The following TENM3 variants were observed in gnomAD, a reference collection of about 807,000 sequenced individuals.
The protein encoded by TENM3 is teneurin transmembrane protein 3.
TENM3 carries 63 observed loss-of-function variants against 255.1 expected under a neutral mutation model. That is an observed-to-expected ratio of 0.25 (90% confidence interval 0.20 to 0.30). TENM3 has a LOEUF of 0.30. Among genes scored for constraint, TENM3 ranks in the 10% least tolerant of loss-of-function variants. The probability of loss-of-function intolerance (pLI) is 1.00; values close to 1 mark genes in which losing one functional copy is unlikely to be tolerated. For missense variants in TENM3, 2,929 were observed against 3,461.1 expected (o/e 0.85, Z 3.86); for synonymous variants, 1,306 against 1,322.3 (o/e 0.99, Z 0.27).
At chr4:182,477,481 G>T (rs1733785620) in intron 3 of TENM3, among the ~76,000 whole-genome samples, 3 of 152,094 alleles carry the variant, frequency 2.0e-5, no homozygotes, top group Non-Finnish European at 4.4e-5. Flanking sequence ...ATTTTTTATG[G>T]TCACAGAGTT....
chr4:182,595,232 G>A (rs1363759783), intron 3 of TENM3, among the ~76,000 whole-genome samples: 1 of 152,102 alleles, frequency 6.6e-6, no homozygotes. Flanking sequence ...TCTAGGGAAA[G>A]TCACCAGCAG....
At chr4:182,138,420 C>G in the TENM3 span, among the ~76,000 whole-genome samples, 1 of 152,126 alleles carries the variant, frequency 6.6e-6, no homozygotes, top group Non-Finnish European at 1.5e-5. Context: ...AAATAAGGCC[C>G]ATATGGTTAT....
chr4:182,433,255 TTA>T (rs1771796071), intron 3 of TENM3, among the ~76,000 whole-genome samples: 1 of 151,752 alleles, frequency 6.6e-6, no homozygotes, highest in Non-Finnish European at 1.5e-5. Context: ...TCCTGAGCAG[TTA>T]AGTGGATAGA....
At chr4:182,745,040 T>G (rs1220309382) in intron 19 of TENM3, among the ~76,000 whole-genome samples, 3 of 152,214 alleles carry the variant, frequency 2.0e-5, no homozygotes, top group African/African-American at 7.2e-5. Flanking sequence ...CATTAAAATA[T>G]CTAATGAAAT....
rs1766827916 is a variant in TENM3, at chr4:182,800,155, G to T, written c.7904G>T (p.Arg2635Leu). The change falls in exon 28 of 28, where the codon CGC becomes CTC. Residue 2635 changes from arginine (R) to leucine (L), a missense_variant. Around this residue, in one of 6 missense-constraint regions of TENM3, gnomAD observed 476 missense variants for 480.1 expected, o/e 0.99. Transcript: ENST00000511685. Reference protein sequence around the residue: ...RQRALARAWAREQQRVRDGEE... With the variant: ...RQRALARAWALEQQRVRDGEE... Reference sequence around the variant, plus strand: ...CGCGCGCTCGCCCGGGCCTGGGCGCGCGAGCAGCAGCGCGTGCGCGACGGC... The same window carrying T: ...CGCGCGCTCGCCCGGGCCTGGGCGCTCGAGCAGCAGCGCGTGCGCGACGGC... 6.9e-7 allele frequency: 1 copy of T among 1,451,252 alleles called. No individual in the cohort carries two copies. The highest frequency in any genetic ancestry group is 9.0e-7 in the Non-Finnish European group (1 of 1,111,790). The allele number at this position is 1,451,252 out of a possible 1,614,324, so 89.9% of individuals were successfully genotyped here.
the TENM3 span, among the ~76,000 whole-genome samples, chr4:181,652,697 C>T: frequency 6.6e-6 from 1 of 152,138 alleles, no homozygotes; most frequent in Non-Finnish European, 1.5e-5. Context: ...ACTTCCAAAA[C>T]TTAAAGTACA....
At chr4:182,544,130 A>T (rs1258367995) in intron 3 of TENM3, among the ~76,000 whole-genome samples, 1 of 152,142 alleles carries the variant, frequency 6.6e-6, no homozygotes, top group Non-Finnish European at 1.5e-5. Context: ...AGTTTATATA[A>T]CTAATAACAA....
At chr4:181,529,790 C>CCTA in the TENM3 span, among the ~76,000 whole-genome samples, 1 of 152,176 alleles carries the variant, frequency 6.6e-6, no homozygotes, top group Admixed American at 6.5e-5. Flanking sequence ...TCAATAGGCA[C>CCTA]GGTGCTATGT....
chr4:181,635,802 C>T, the TENM3 span, among the ~76,000 whole-genome samples: 10 of 152,296 alleles, frequency 6.6e-5, no homozygotes, highest in Admixed American at 1.3e-4. Context: ...TTGCAGAGCA[C>T]AGTAATAGCA....
intron 12 of TENM3, among the ~76,000 whole-genome samples, chr4:182,697,118 CTTGTTG>C (rs907240899): frequency 6.6e-6 from 1 of 152,156 alleles, no homozygotes; most frequent in South Asian, 2.1e-4. Flanking sequence ...ATAGATGTTT[CTTGTTG>C]TTGTTGTTGC....
At chr4:182,447,376 G>A (rs2151291960) in intron 3 of TENM3, among the ~76,000 whole-genome samples, 1 of 152,264 alleles carries the variant, frequency 6.6e-6, no homozygotes, top group Non-Finnish European at 1.5e-5. Flanking sequence ...AAATGAGAAA[G>A]AAAAGTATCT....
At chr4:182,654,496 C>T (rs1197847591) in intron 6 of TENM3, among the ~76,000 whole-genome samples, 3 of 151,912 alleles carry the variant, frequency 2.0e-5, no homozygotes, top group Admixed American at 6.6e-5. Flanking sequence ...TGTACACTTA[C>T]GTTACAAATA....
At position 182,800,373 on chromosome 4, in the gene TENM3, G is replaced by A. The variant is rs757759010; in HGVS notation, c.*22G>A. On this transcript the variant is annotated 3_prime_UTR_variant, in exon 28 of 28. Transcript: ENST00000511685. ...GTAACGCCCGGGCCGCGCCCGCCGA[G>A]CCGCTCACGCCCTGCCCACATTGTC... 1.3e-6 allele frequency: 2 copies of A among 1,539,614 alleles called. No homozygotes were observed. Among genetic ancestry groups the A allele is most frequent in the Admixed American group, 3.9e-5 (2 of 51,508 alleles).
At position 182,282,895 on chromosome 4, in the gene TENM3, A is replaced by G. The variant is rs530029305; in HGVS notation, c.-76+39419A>G. Among the ~76,000 whole-genome samples the G allele has an allele frequency of 6.4e-3, 543 of 85,272 alleles. 4 individuals carry two copies. Among genetic ancestry groups the G allele is most frequent in the African/African-American group, 0.029 (522 of 17,832 alleles). 55.9% of individuals were successfully genotyped at this position (85,272 alleles called of 152,430 possible). A position where few individuals can be genotyped will look rare whatever the true frequency, so the allele number is the denominator to read the frequency against. ...GTGGCAGAGTGAGACTCCATTTCAG[A>G]AAAAAAAAAAAAAAAAAAAAATTTA... On this transcript the variant is annotated intron_variant, in intron 1 of 27. Coordinates refer to ENST00000511685, the MANE Select transcript of TENM3 (RefSeq NM_001080477.4).
the TENM3 span, among the ~76,000 whole-genome samples, chr4:181,644,783 C>T: frequency 6.6e-6 from 1 of 152,094 alleles, no homozygotes; most frequent in Admixed American, 6.5e-5. Context: ...CAGAAAGACT[C>T]CTTGTAGTCC....
the TENM3 span, among the ~76,000 whole-genome samples, chr4:181,574,456 G>A: frequency 6.6e-6 from 1 of 151,784 alleles, no homozygotes; most frequent in African/African-American, 2.4e-5. Flanking sequence ...GCGTGAACCC[G>A]GGAGGCGGAG....
the TENM3 span, among the ~76,000 whole-genome samples, chr4:181,910,440 A>C: frequency 6.6e-6 from 1 of 151,714 alleles, no homozygotes; most frequent in East Asian, 1.9e-4. Context: ...TGGGAGGCTG[A>C]GGCAGGAGAA....
chr4:182,616,218 T>C (rs534846629), intron 4 of TENM3, among the ~76,000 whole-genome samples: 7 of 152,268 alleles, frequency 4.6e-5, no homozygotes, highest in African/African-American at 7.2e-5. Flanking sequence ...TTGAACTGTT[T>C]TCGTGTAAAA....
the TENM3 span, among the ~76,000 whole-genome samples, chr4:181,746,660 G>A: frequency 6.6e-6 from 1 of 151,478 alleles, no homozygotes; most frequent in Non-Finnish European, 1.5e-5. Context: ...GCTTACTTAG[G>A]TACCACTTTA....
Sources: allele counts gnomAD v4.1 joint callset (sites outside exome capture counted in the v4.1 genomes callset), GRCh38; gene constraint gnomAD v4.1.1; regional missense constraint gnomAD v4.1.1; transcripts MANE v1.5; gene names NCBI Gene and HGNC (gene_info 2026-07-23, HGNC 2026-07-21).